Variants in MYO16 observed in about 807,000 individuals in gnomAD.
MYO16 encodes the protein unconventional myosin-XVI.
In MYO16, 94 loss-of-function variants were observed where a neutral mutation model predicts 205.3. The ratio of observed to expected loss-of-function variants is 0.46; its 90% confidence interval spans 0.39 to 0.54. The LOEUF (loss-of-function observed/expected upper bound fraction) is 0.54. Among genes scored for constraint, MYO16 ranks in the 20% least tolerant of loss-of-function variants. MYO16 has a pLI of 0.00. For missense variants in MYO16, 2,315 were observed against 2,387.5 expected (o/e 0.97, Z 0.63); for synonymous variants, 988 against 954.0 (o/e 1.04, Z -0.66).
intron 5 of MYO16, among the ~76,000 whole-genome samples, chr13:108,788,390 G>A (rs1886519379): frequency 6.6e-6 from 1 of 152,130 alleles, no homozygotes; most frequent in South Asian, 2.1e-4. Context: ...CTAGTGCAAG[G>A]AGAACCAGCT....
intron 16 of MYO16, among the ~76,000 whole-genome samples, chr13:108,926,784 T>G (rs1411705633): frequency 6.6e-6 from 1 of 152,142 alleles, no homozygotes; most frequent in Non-Finnish European, 1.5e-5. Flanking sequence ...GAATAAATCA[T>G]CAACAGTGAA....
At chr13:108,817,029 TA>T (rs970683299) in intron 7 of MYO16, among the ~76,000 whole-genome samples, 1 of 152,180 alleles carries the variant, frequency 6.6e-6, no homozygotes, top group African/African-American at 2.4e-5. Flanking sequence ...CTTCAGTGGC[TA>T]AAATTGTTTT....
the MYO16 span, among the ~76,000 whole-genome samples, chr13:108,518,972 T>C: frequency 1.3e-5 from 2 of 152,188 alleles, no homozygotes; most frequent in Non-Finnish European, 2.9e-5. Flanking sequence ...CACATAAATT[T>C]AGTAATGTGA....
At chr13:109,104,341 G>A (rs769077878) in intron 28 of MYO16, among the ~76,000 whole-genome samples, 3 of 152,172 alleles carry the variant, frequency 2.0e-5, no homozygotes, top group Non-Finnish European at 2.9e-5. Flanking sequence ...CTTGTACAGT[G>A]TCTTTTTTAT....
chr13:108,809,082 C>G (rs1411301734), intron 7 of MYO16, among the ~76,000 whole-genome samples: 1 of 152,160 alleles, frequency 6.6e-6, no homozygotes. Flanking sequence ...CACATGACAA[C>G]TATGCTGCAG....
At chr13:108,796,010 A>G (rs374029273) in intron 6 of MYO16, among the ~76,000 whole-genome samples, 1 of 152,186 alleles carries the variant, frequency 6.6e-6, no homozygotes, top group African/African-American at 2.4e-5. Context: ...AAACTCCTAC[A>G]GTGTCAGGGG....
chr13:108,897,977 A>C (rs370497773), intron 14 of MYO16, 39 bp from the exon 15 acceptor site: 2 of 1,460,590 alleles, frequency 1.4e-6, no homozygotes, highest in Non-Finnish European at 1.9e-6. Flanking sequence ...TATTTCTTAA[A>C]ATATGAGCAG....
At chr13:108,589,751 T>G in the MYO16 span, among the ~76,000 whole-genome samples, 1 of 152,110 alleles carries the variant, frequency 6.6e-6, no homozygotes, top group East Asian at 1.9e-4. Context: ...ATTTGAAAAT[T>G]TAGAGACCAT....
At chr13:108,651,282 T>A (rs1880991742) in intron 1 of MYO16, among the ~76,000 whole-genome samples, 2 of 152,158 alleles carry the variant, frequency 1.3e-5, no homozygotes, top group Admixed American at 1.3e-4. Context: ...CTGTCAGCCA[T>A]AGGTTTGACT....
intron 24 of MYO16, among the ~76,000 whole-genome samples, chr13:109,047,922 G>T (rs572103635): frequency 6.6e-6 from 1 of 152,014 alleles, no homozygotes; most frequent in South Asian, 2.1e-4. Context: ...CAGAACTTAT[G>T]TTTATTGTGA....
chr13:109,197,731 A>T (rs1880218715), intron 34 of MYO16, among the ~76,000 whole-genome samples: 1 of 152,218 alleles, frequency 6.6e-6, no homozygotes, highest in Admixed American at 6.5e-5. Flanking sequence ...TTAAATGTAT[A>T]GACATACAGT....
intron 1 of MYO16, among the ~76,000 whole-genome samples, chr13:108,598,693 G>A (rs1878649806): frequency 2.0e-5 from 3 of 152,174 alleles, no homozygotes; most frequent in Admixed American, 6.5e-5. Flanking sequence ...GTAAGGATGA[G>A]TATGATCTCC....
At chr13:108,529,172 A>AT in the MYO16 span, among the ~76,000 whole-genome samples, 512 of 152,182 alleles carry the variant, frequency 3.4e-3, 1 homozygote, top group African/African-American at 0.012. Flanking sequence ...ATTTCCTTAT[A>AT]TTTTTTATTG....
chr13:108,644,632 T>G (rs1880670836), intron 1 of MYO16, among the ~76,000 whole-genome samples: 1 of 152,200 alleles, frequency 6.6e-6, no homozygotes, highest in Admixed American at 6.6e-5. Context: ...GTCTCTAAAA[T>G]GCATAGCATT....
Position 109,197,953 on chromosome 13 carries a change from T to C in MYO16, c.5416-8656T>C, listed in dbSNP as rs138445473. On this transcript the variant is annotated intron_variant, in intron 34 of 34. Transcript: ENST00000457511. ...ATTCATCAAGTTCCGTCAAGCTTTGTGTGTTTTTCCCACTTTATGCCACTG... is the reference window on the plus strand; with the variant it reads ...ATTCATCAAGTTCCGTCAAGCTTTGCGTGTTTTTCCCACTTTATGCCACTG... Among the ~76,000 whole-genome samples the C allele has an allele frequency of 2.6e-3, 399 of 152,342 alleles. 2 individuals are homozygous for C. The highest frequency in any genetic ancestry group is 2.9e-3 in the Non-Finnish European group (200 of 68,022).
At chr13:109,057,396 G>T (rs1272633152) in intron 27 of MYO16, among the ~76,000 whole-genome samples, 3 of 152,242 alleles carry the variant, frequency 2.0e-5, no homozygotes, top group East Asian at 3.9e-4. Flanking sequence ...AAATTTAAAA[G>T]GTGCTTGTAA....
chr13:108,719,855 T>G (rs527703343), intron 3 of MYO16, among the ~76,000 whole-genome samples: 1 of 152,208 alleles, frequency 6.6e-6, no homozygotes, highest in Non-Finnish European at 1.5e-5. Flanking sequence ...AATTCACCTT[T>G]ATATATACCT....
At chr13:108,995,492 G>C (rs1296774256) in intron 21 of MYO16, among the ~76,000 whole-genome samples, 1 of 151,970 alleles carries the variant, frequency 6.6e-6, no homozygotes, top group Non-Finnish European at 1.5e-5. Context: ...ACAACATGCA[G>C]GTTAGTTACA....
chr13:108,800,982 C>A (rs1886952550), intron 6 of MYO16, among the ~76,000 whole-genome samples: 1 of 152,026 alleles, frequency 6.6e-6, no homozygotes. Context: ...GAAAAAAACA[C>A]AGAAATGTTA....
Sources: allele counts gnomAD v4.1 joint callset (sites outside exome capture counted in the v4.1 genomes callset), GRCh38; gene constraint gnomAD v4.1.1; transcripts MANE v1.5; gene names NCBI Gene and HGNC (gene_info 2026-07-23, HGNC 2026-07-21).